Variants in TP53INP2 observed in about 807,000 individuals in gnomAD.
TP53INP2 encodes the protein tumor protein p53-inducible nuclear protein 2.
A neutral mutation model predicts 17.1 loss-of-function variants in TP53INP2; 12 were observed. That is an observed-to-expected ratio of 0.70 (90% CI 0.45 to 1.14). The LOEUF (loss-of-function observed/expected upper bound fraction) is 1.14, where lower values mean the gene tolerates loss of function less well. Among genes scored for constraint, TP53INP2 ranks in the 50% most tolerant of loss-of-function variants. The pLI is 0.00. For synonymous variants in TP53INP2, 145 were observed against 147.3 expected (o/e 0.98, Z 0.12); for missense variants, 342 against 330.9 (o/e 1.03, Z -0.26).
Position 34,708,682 on chromosome 20 carries a change from G to T in TP53INP2, c.-49-9G>T. 1 of 1,533,024 alleles carries T rather than the reference G, an allele frequency of 6.5e-7. No individual in the cohort carries two copies. The highest frequency in any genetic ancestry group is 8.8e-7 in the Non-Finnish European group (1 of 1,141,092). The allele number at this position is 1,533,024 out of a possible 1,614,324, so 95.0% of individuals were successfully genotyped here. A position where few individuals can be genotyped will look rare whatever the true frequency, so the allele number is the denominator to read the frequency against. ...TCAGTGGTGGCTCTCACGTCCTTCT[G>T]ATTCCCAGGTTTTTGCACTGCCATA... On this transcript the variant is annotated splice_polypyrimidine_tract_variant and intron_variant, in intron 2 of 4. Coordinates refer to ENST00000374810, the MANE Select transcript of TP53INP2 (RefSeq NM_021202.3).
chr20:34,706,076 A>G (rs1197150620), intron 2 of TP53INP2, among the ~76,000 whole-genome samples: 1 of 152,182 alleles, frequency 6.6e-6, no homozygotes, highest in African/African-American at 2.4e-5. Context: ...AGGCTCTGGT[A>G]CACAGTGGGT....
Position 34,707,169 on chromosome 20 carries a change from A to G in TP53INP2, c.-49-1522A>G, listed in dbSNP as rs73610868. 1.6e-3 allele frequency among the ~76,000 whole-genome samples: 241 copies of G among 152,192 alleles called. 2 individuals are homozygous for G. In the East Asian group the frequency reaches 0.036, roughly 23 times the overall value. On this transcript the variant is annotated intron_variant, in intron 2 of 4. Coordinates refer to ENST00000374810, the MANE Select transcript of TP53INP2 (RefSeq NM_021202.3). ...TGGGAACTGACAGCTCCCTCCCTTC[A>G]TCATCACCTCCCACTGACCTGCTGT...
In TP53INP2 at chr20:34,710,278, C is replaced by A; in HGVS notation, c.634C>A (p.Gln212Lys). 7.0e-7 allele frequency: 1 copy of A among 1,426,670 alleles called. No individual in the cohort carries two copies. The allele number at this position is 1,426,670 out of a possible 1,614,324, so 88.4% of individuals were successfully genotyped here. A position where few individuals can be genotyped will look rare whatever the true frequency, so the allele number is the denominator to read the frequency against. The change falls in exon 5 of 5, where the codon CAG (glutamine) becomes AAG (lysine). Residue 212 changes from glutamine to lysine, a missense_variant. Physicochemically the swap from Gln to Lys is moderately conservative, Grantham distance 53. Transcript: ENST00000374810. The surrounding 1 kb of genome is among the most constrained non-coding windows in gnomAD (Gnocchi z 4.9). ...CAAGAACCAGAGCAGCTTCATCTAC[C>A]AGCCGTGCCAGCGCCAGTTCAACTA... ...RSKNQSSFIY[Q>K]PCQRQFNY
At position 34,710,349 on chromosome 20, in the gene TP53INP2, C is replaced by A. The variant is rs1384866705; in HGVS notation, c.*42C>A. 2.3e-6 allele frequency: 3 copies of A among 1,295,114 alleles called. No individual in the cohort carries two copies. The highest frequency in any genetic ancestry group is 1.5e-5 in the African/African-American group (1 of 66,256). The allele number at this position is 1,295,114 out of a possible 1,614,324, so 80.2% of individuals were successfully genotyped here. A position where few individuals can be genotyped will look rare whatever the true frequency, so the allele number is the denominator to read the frequency against. ...CCACGAACCCCTTGCCGATCCCGATCCCTGTCGGGCTCCTCCGACTCCTCG... is the reference window on the plus strand; with the variant it reads ...CCACGAACCCCTTGCCGATCCCGATACCTGTCGGGCTCCTCCGACTCCTCG... On this transcript the variant is annotated 3_prime_UTR_variant, in exon 5 of 5. Coordinates refer to ENST00000374810, the MANE Select transcript of TP53INP2 (RefSeq NM_021202.3). This position sits in a 1 kb window ranked among gnomAD's most constrained non-coding sequence, Gnocchi z 4.9.
rs398040656 is a variant in TP53INP2, at chr20:34,709,180, T to C, written c.125-56T>C. 1.7e-5 allele frequency: 25 copies of C among 1,439,840 alleles called. No individual in the cohort carries two copies. Among genetic ancestry groups the C allele is most frequent in the East Asian group, 2.6e-5 (1 of 38,376 alleles). 89.2% of individuals were successfully genotyped at this position (1,439,840 alleles called of 1,614,324 possible). On this transcript the variant is annotated intron_variant, in intron 3 of 4. Transcript: ENST00000374810. The surrounding 1 kb of genome is among the most constrained non-coding windows in gnomAD (Gnocchi z 5.4). The stretch of plus-strand genomic sequence containing the variant: ...TGTCCGGTGTGTGTGTGTGTGTGTG[T>C]GTGTGCCTCCTCGCTGCTCCCCTCC...
chr20:34,710,052 T>C lies in TP53INP2; in HGVS notation c.414-6T>C. On this transcript the variant is annotated splice_polypyrimidine_tract_variant and splice_region_variant and intron_variant, in intron 4 of 4. Coordinates refer to ENST00000374810, the MANE Select transcript of TP53INP2 (RefSeq NM_021202.3). The surrounding 1 kb of genome is among the most constrained non-coding windows in gnomAD (Gnocchi z 4.9). ...GGCTTGACCGAGCCTGGCTCTGTCC[T>C]CACAGGGAATTGACGCCCGCCCGCC... The C allele has an allele frequency of 7.8e-7, 1 of 1,285,426 alleles. No individual in the cohort carries two copies. The highest frequency in any genetic ancestry group is 9.8e-7 in the Non-Finnish European group (1 of 1,019,164). 79.6% of individuals were successfully genotyped at this position (1,285,426 alleles called of 1,614,324 possible). A position where few individuals can be genotyped will look rare whatever the true frequency, so the allele number is the denominator to read the frequency against.
Position 34,711,066 on chromosome 20 carries a change from C to G in TP53INP2, c.*759C>G, listed in dbSNP as rs956792078. On this transcript the variant is annotated 3_prime_UTR_variant, in exon 5 of 5. Transcript: ENST00000374810. This position sits in a 1 kb window ranked among gnomAD's most constrained non-coding sequence, Gnocchi z 4.1. ...TTGAGAAGCTGCAGGGAGCAGGGCA[C>G]CAAGGGAGTGTGCACTGTGCTTGCT... The G allele has an allele frequency of 6.6e-6, 1 of 152,392 alleles. No homozygotes were observed. The highest frequency in any genetic ancestry group is 1.5e-5 in the Non-Finnish European group (1 of 68,182). 9.4% of individuals were successfully genotyped at this position (152,392 alleles called of 1,614,324 possible).
rs1045314791 is a variant in TP53INP2 at position 34,709,772 on chromosome 20, G to A, written c.413+248G>A. ...GCGTGGCCAAGAGGCTGGGGCCGGG[G>A]TTGGAGGCTTGAGGAGCGTGGCTGG... On this transcript the variant is annotated intron_variant, in intron 4 of 4. Transcript: ENST00000374810. The surrounding 1 kb of genome is among the most constrained non-coding windows in gnomAD (Gnocchi z 5.4). Among the ~76,000 whole-genome samples, 10 of 152,198 alleles carry A rather than the reference G, an allele frequency of 6.6e-5. No individual in the cohort carries two copies. The highest frequency in any genetic ancestry group is 2.4e-4 in the African/African-American group (10 of 41,466).
intron 2 of TP53INP2, 68 bp from the exon 3 acceptor site, chr20:34,708,623 C>T: frequency 1.1e-6 from 1 of 945,420 alleles, no homozygotes; most frequent in Non-Finnish European, 1.6e-6. Flanking sequence ...ATCTTCTGGC[C>T]TCTTCCCCAG....
Position 34,709,159 on chromosome 20 carries a change from CGGTG to C in TP53INP2, c.125-76_125-73del. ...CCCTTTCTCTCCCCGCCCCCTTGTC[CGGTG>C]TGTGTGTGTGTGTGTGTGTGTGCCT... On this transcript the variant is annotated intron_variant, in intron 3 of 4. Coordinates refer to ENST00000374810, the MANE Select transcript of TP53INP2 (RefSeq NM_021202.3). The surrounding 1 kb of genome is among the most constrained non-coding windows in gnomAD (Gnocchi z 5.4). The C allele has an allele frequency of 7.3e-7, 1 of 1,362,930 alleles. No homozygotes were observed. The highest frequency in any genetic ancestry group is 9.4e-7 in the Non-Finnish European group (1 of 1,064,622). 84.4% of individuals were successfully genotyped at this position (1,362,930 alleles called of 1,614,324 possible).
rs1988166848 is a variant in TP53INP2, at chr20:34,710,725, T to C, written c.*418T>C. ...TACATGTCTCACACTATCCCATGGTTGGCATTACACTCACTCCTGTTCCCT... is the reference window on the plus strand; with the variant it reads ...TACATGTCTCACACTATCCCATGGTCGGCATTACACTCACTCCTGTTCCCT... On this transcript the variant is annotated 3_prime_UTR_variant, in exon 5 of 5. Coordinates refer to ENST00000374810, the MANE Select transcript of TP53INP2 (RefSeq NM_021202.3). This position sits in a 1 kb window ranked among gnomAD's most constrained non-coding sequence, Gnocchi z 4.9. 1 of 160,220 alleles carries C rather than the reference T, an allele frequency of 6.2e-6. No individual in the cohort carries two copies. The highest frequency in any genetic ancestry group is 1.4e-5 in the Non-Finnish European group (1 of 73,464). The allele number at this position is 160,220 out of a possible 1,614,324, so 9.9% of individuals were successfully genotyped here.
Position 34,709,646 on chromosome 20 carries a change from C to T in TP53INP2, c.413+122C>T. ...GCCCCGCGCTCGAGGGGGTAGCGGC[C>T]TTGGGAGGGTTGCCTTTGAGACAAA... On this transcript the variant is annotated intron_variant, in intron 4 of 4. Transcript: ENST00000374810. The surrounding 1 kb of genome is among the most constrained non-coding windows in gnomAD (Gnocchi z 5.4). The T allele has an allele frequency of 3.5e-6, 5 of 1,439,868 alleles. No homozygotes were observed. Among genetic ancestry groups the T allele is most frequent in the Non-Finnish European group, 4.5e-6 (5 of 1,103,452 alleles). 89.2% of individuals were successfully genotyped at this position (1,439,868 alleles called of 1,614,324 possible). A position where few individuals can be genotyped will look rare whatever the true frequency, so the allele number is the denominator to read the frequency against.
Position 34,710,292 on chromosome 20 carries a change from C to T in TP53INP2, c.648C>T (p.Arg216=). 7 of 1,406,830 alleles carry T rather than the reference C, an allele frequency of 5.0e-6. No individual in the cohort carries two copies. Among genetic ancestry groups the T allele is most frequent in the Non-Finnish European group, 6.6e-6 (7 of 1,068,360 alleles). 87.1% of individuals were successfully genotyped at this position (1,406,830 alleles called of 1,614,324 possible). The change falls in exon 5 of 5, where the codon CGC becomes CGT. Residue 216 remains arginine (R), a synonymous_variant. Coordinates refer to ENST00000374810, the MANE Select transcript of TP53INP2 (RefSeq NM_021202.3). This position sits in a 1 kb window ranked among gnomAD's most constrained non-coding sequence, Gnocchi z 4.9. ...GCTTCATCTACCAGCCGTGCCAGCG[C>T]CAGTTCAACTACTGAGCGTCCACCG... is the stretch of plus-strand genomic sequence containing the variant. ...QSSFIYQPCQ[R]QFNY is the part of the protein sequence containing the mutation.
In TP53INP2 at chr20:34,709,321, C is replaced by A; in HGVS notation, c.210C>A (p.Ser70Arg). Reference protein sequence around the residue: ...PPPAPSLMDESWFVTPPACFT... With the variant: ...PPPAPSLMDERWFVTPPACFT... ...CCGCGCCCTCCTTGATGGACGAGAGCTGGTTTGTTACCCCTCCCGCCTGTT... is the reference window on the plus strand; with the variant it reads ...CCGCGCCCTCCTTGATGGACGAGAGATGGTTTGTTACCCCTCCCGCCTGTT... Residue 70 changes from serine to arginine, a missense_variant, in exon 4 of 5, where the codon AGC becomes AGA. Coordinates refer to ENST00000374810, the MANE Select transcript of TP53INP2 (RefSeq NM_021202.3). This position sits in a 1 kb window ranked among gnomAD's most constrained non-coding sequence, Gnocchi z 5.4. The A allele has an allele frequency of 1.2e-6, 2 of 1,613,304 alleles. No individual in the cohort carries two copies. The highest frequency in any genetic ancestry group is 1.7e-6 in the Non-Finnish European group (2 of 1,179,742).
chr20:34,710,114 C>T lies in TP53INP2; in HGVS notation c.470C>T (p.Pro157Leu). The T allele has an allele frequency of 1.6e-6, 2 of 1,264,328 alleles. No individual in the cohort carries two copies. Among genetic ancestry groups the T allele is most frequent in the Non-Finnish European group, 9.9e-7 (1 of 1,008,782 alleles). The allele number at this position is 1,264,328 out of a possible 1,614,324, so 78.3% of individuals were successfully genotyped here. Residue 157 changes from proline (P) to leucine (L), a missense_variant, in exon 5 of 5, where the codon CCA becomes CTA. Coordinates refer to ENST00000374810, the MANE Select transcript of TP53INP2 (RefSeq NM_021202.3). The surrounding 1 kb of genome is among the most constrained non-coding windows in gnomAD (Gnocchi z 4.9). ...GCCGCGCGCCACGCCGCTCCTCTCC[C>T]AGCGCGGGCGGCGCTGCTGGAGAAG... is the stretch of plus-strand genomic sequence containing the variant. ...PRAARHAAPL[P>L]ARAALLEKAG... is the part of the protein sequence containing the mutation.
intron 2 of TP53INP2, 48 bp from the exon 3 acceptor site, chr20:34,708,643 G>C: frequency 1.4e-5 from 16 of 1,172,072 alleles, no homozygotes; most frequent in Non-Finnish European, 1.9e-5. Context: ...GGCCAGGAGT[G>C]GGGTGAACCT....
rs1988092344 is a variant in TP53INP2 at position 34,709,302 on chromosome 20, C to T, written c.191C>T (p.Pro64Leu). ...PAPAGRPPPA[P>L]SLMDESWFVT... is the part of the protein sequence containing the mutation. ...CCCGCGGGCCGCCCTCCGCCCGCGCCCTCCTTGATGGACGAGAGCTGGTTT... is the reference window on the plus strand; with the variant it reads ...CCCGCGGGCCGCCCTCCGCCCGCGCTCTCCTTGATGGACGAGAGCTGGTTT... The change falls in exon 4 of 5, where the codon CCC becomes CTC. Residue 64 changes from proline to leucine, a missense_variant. Pro to Leu is a moderately conservative substitution (Grantham distance 98, BLOSUM62 -3). Coordinates refer to ENST00000374810, the MANE Select transcript of TP53INP2 (RefSeq NM_021202.3). This position sits in a 1 kb window ranked among gnomAD's most constrained non-coding sequence, Gnocchi z 5.4. The T allele has an allele frequency of 6.2e-7, 1 of 1,612,048 alleles. No homozygotes were observed. Among genetic ancestry groups the T allele is most frequent in the Admixed American group, 1.7e-5 (1 of 59,928 alleles).
chr20:34,708,895 A>G (rs1430216730), intron 3 of TP53INP2, 32 bp downstream of exon 3: 2 of 1,604,816 alleles, frequency 1.2e-6, no homozygotes, highest in Admixed American at 1.7e-5. Flanking sequence ...TGGGCCTGTG[A>G]AGTCATTCTA....
Position 34,708,716 on chromosome 20 carries a change from C to T in TP53INP2, c.-24C>T. On this transcript the variant is annotated 5_prime_UTR_variant, in exon 3 of 5. Coordinates refer to ENST00000374810, the MANE Select transcript of TP53INP2 (RefSeq NM_021202.3). ...GTTTTTGCACTGCCATAGGGCGCCC[C>T]CGTGAGGCGCTTCGCCCCCCACCAT... 1 of 1,559,878 alleles carries T rather than the reference C, an allele frequency of 6.4e-7. No homozygotes were observed.
Sources: gnomAD v4.1 joint callset for allele counts (sites outside exome capture counted in the v4.1 genomes callset) on GRCh38, gnomAD v4.1.1 for gene constraint, Gnocchi (gnomAD v3.1) non-coding constraint, MANE v1.5 for transcripts, NCBI Gene and HGNC (gene_info 2026-07-23, HGNC 2026-07-21) for gene names.